Variants in MAGT1 observed in about 807,000 individuals in gnomAD.
The protein encoded by MAGT1 is magnesium transporter 1.
MAGT1 carries 4 observed loss-of-function variants against 28.4 expected under a neutral mutation model. The ratio of observed to expected loss-of-function variants is 0.14; its 90% confidence interval spans 0.07 to 0.32. MAGT1 has a LOEUF of 0.32. Among genes scored for constraint, MAGT1 ranks in the 10% least tolerant of loss-of-function variants. The probability of loss-of-function intolerance (pLI) is 1.00; values close to 1 mark genes in which losing one functional copy is unlikely to be tolerated. For synonymous variants in MAGT1, 89 were observed against 89.7 expected, an observed-to-expected ratio of 0.99 and a Z score of 0.04; for missense variants, 193 against 264.5, an observed-to-expected ratio of 0.73 and a Z score of 1.88.
Position 77,840,780 on chromosome X carries a change from T to G in MAGT1, c.901+466A>C, listed in dbSNP as rs782382572. On this transcript the variant is annotated intron_variant, in intron 8 of 9. Coordinates refer to ENST00000618282, the MANE Select transcript of MAGT1 (RefSeq NM_001367916.1). The stretch of plus-strand genomic sequence containing the variant: ...GACAGCTTGAGCCTAGGGGCGGAGG[T>G]TGCAGTGAGCTATGATTATGCTACT... 7.2e-5 allele frequency among the ~76,000 whole-genome samples: 8 copies of G among 110,714 alleles called. No homozygotes were observed. In the South Asian group the frequency reaches 3.0e-3, roughly 42 times the overall value.
chrX:77,857,273 T>C, intron 4 of MAGT1, 84 bp downstream of exon 4: 1 of 1,123,826 alleles, frequency 8.9e-7, no homozygotes, highest in Non-Finnish European at 1.2e-6. Context: ...CTCAGTGATA[T>C]GGGGACAAGA....
intron 7 of MAGT1, among the ~76,000 whole-genome samples, chrX:77,853,635 C>T (rs2076974345): frequency 8.9e-6 from 1 of 112,115 alleles, no homozygotes; most frequent in African/African-American, 3.2e-5. Flanking sequence ...ACAACTCTAT[C>T]TTTTCTTTGT....
At position 77,847,562 on chromosome X, in the gene MAGT1, G is replaced by A. The variant is rs140044836; in HGVS notation, c.827-6242C>T. ...TGTAGACTGGAGCTGTTCCTATTAG[G>A]CCATCTTGGCTGCACAAAGGTCTTT... On this transcript the variant is annotated intron_variant, in intron 7 of 9. Transcript: ENST00000618282. Among the ~76,000 whole-genome samples, 13 of 110,588 alleles carry A rather than the reference G, an allele frequency of 1.2e-4. No homozygotes were observed. In the East Asian group the frequency reaches 3.7e-3, roughly 32 times the overall value.
chrX:77,882,121 T>G (rs1264749317), intron 1 of MAGT1, among the ~76,000 whole-genome samples: 1 of 112,132 alleles, frequency 8.9e-6, no homozygotes, highest in Non-Finnish European at 1.9e-5. Flanking sequence ...AAACTCTCAA[T>G]AAATTAGGTA....
intron 8 of MAGT1, among the ~76,000 whole-genome samples, chrX:77,833,803 A>G (rs1042223427): frequency 8.9e-6 from 1 of 111,951 alleles, no homozygotes; most frequent in Non-Finnish European, 1.9e-5. Flanking sequence ...ATGAAATCAC[A>G]AAAGACCAAT....
Position 77,829,300 on chromosome X carries a change from A to G in MAGT1, c.993-65T>C, listed in dbSNP as rs186099230. 8 of 947,668 alleles carry G rather than the reference A, an allele frequency of 8.4e-6. No individual in the cohort carries two copies. In the Admixed American group the frequency reaches 1.8e-4, roughly 21 times the overall value. The allele number at this position is 947,668 out of a possible 1,213,427, so 78.1% of individuals were successfully genotyped here. ...GAAAAGTAGGATTTACTTTTAATCAATAAGCAGTATGTTGGTTTTAACAGA... is the reference window on the plus strand; with the variant it reads ...GAAAAGTAGGATTTACTTTTAATCAGTAAGCAGTATGTTGGTTTTAACAGA... On this transcript the variant is annotated intron_variant, in intron 9 of 9. Transcript: ENST00000618282.
At chrX:77,835,336 T>C (rs1395826614) in intron 8 of MAGT1, among the ~76,000 whole-genome samples, 2 of 111,614 alleles carry the variant, frequency 1.8e-5, no homozygotes, top group Non-Finnish European at 3.8e-5. Flanking sequence ...TCAACATCAA[T>C]GATCATCAGA....
intron 7 of MAGT1, among the ~76,000 whole-genome samples, chrX:77,846,172 T>C (rs1286197404): frequency 1.8e-5 from 2 of 111,718 alleles, no homozygotes; most frequent in Non-Finnish European, 3.8e-5. Context: ...TCTTGCTTCA[T>C]TTCATTCATT....
chrX:77,876,895 C>T (rs1169574720), intron 1 of MAGT1, among the ~76,000 whole-genome samples: 2 of 108,364 alleles, frequency 1.8e-5, no homozygotes, highest in Non-Finnish European at 3.8e-5. Flanking sequence ...TGCCTGTAAT[C>T]CCAGCTACTT....
At position 77,839,893 on chromosome X, in the gene MAGT1, C is replaced by T. The variant is rs566338090; in HGVS notation, c.901+1353G>A. Among the ~76,000 whole-genome samples, 15 of 110,450 alleles carry T rather than the reference C, an allele frequency of 1.4e-4. No homozygotes were observed. The South Asian group carries it at 5.4e-3, about 40-fold the overall frequency. ...AACTCCTGACCTCAAGTGATCCACC[C>T]GCCTCGGTCTCCCAAAGTGCCAGGA... On this transcript the variant is annotated intron_variant, in intron 8 of 9. Transcript: ENST00000618282.
chrX:77,833,478 G>A (rs1175552600), intron 8 of MAGT1, among the ~76,000 whole-genome samples: 14 of 111,955 alleles, frequency 1.3e-4, no homozygotes, highest in East Asian at 5.6e-4. Flanking sequence ...AATAATTAAA[G>A]CACGATATTT....
chrX:77,854,090 C>T (rs1292928716), intron 6 of MAGT1, 126 bp from the exon 7 acceptor site: 14 of 543,114 alleles, frequency 2.6e-5, no homozygotes, highest in Non-Finnish European at 3.9e-5. Flanking sequence ...TGACATACTC[C>T]GGGTCTGTGG....
chrX:77,891,627 G>A (rs2077082985), intron 1 of MAGT1, among the ~76,000 whole-genome samples: 1 of 111,632 alleles, frequency 9.0e-6, no homozygotes, highest in South Asian at 3.7e-4. Flanking sequence ...GAATGCATTC[G>A]ATAAATATCA....
Position 77,837,774 on chromosome X carries a change from A to G in MAGT1, c.901+3472T>C, listed in dbSNP as rs1236773999. 2.7e-5 allele frequency among the ~76,000 whole-genome samples: 3 copies of G among 111,361 alleles called. No homozygotes were observed. In the East Asian group the frequency reaches 8.5e-4, roughly 31 times the overall value. On this transcript the variant is annotated intron_variant, in intron 8 of 9. Transcript: ENST00000618282. ...TTTATTTATTTTGAGATGAAGTCTC[A>G]CTCCGTCGCCCAGGCTGGAGTGCAG...
chrX:77,882,258 C>T (rs1456349700), intron 1 of MAGT1, among the ~76,000 whole-genome samples: 1 of 111,926 alleles, frequency 8.9e-6, no homozygotes, highest in Non-Finnish European at 1.9e-5. Flanking sequence ...TGCCCTCACT[C>T]ACCACTCCTA....
intron 1 of MAGT1, among the ~76,000 whole-genome samples, chrX:77,883,107 A>ATTAT (rs2077057673): frequency 2.0e-5 from 2 of 102,493 alleles, no homozygotes; most frequent in African/African-American, 7.0e-5. Context: ...ATATAATAAC[A>ATTAT]TAATTATATT....
intron 1 of MAGT1, among the ~76,000 whole-genome samples, chrX:77,879,205 C>T (rs1459893619): frequency 2.7e-5 from 3 of 110,694 alleles, no homozygotes; most frequent in Non-Finnish European, 3.8e-5. Context: ...TACAGGCACA[C>T]GCCACCACGC....
intron 1 of MAGT1, among the ~76,000 whole-genome samples, chrX:77,893,629 C>T (rs1288570221): frequency 8.9e-6 from 1 of 112,409 alleles, no homozygotes; most frequent in Non-Finnish European, 1.9e-5. Flanking sequence ...GGCACAGTGG[C>T]TCACACCTGT....
intron 7 of MAGT1, among the ~76,000 whole-genome samples, chrX:77,843,667 T>C (rs1195686056): frequency 8.9e-6 from 1 of 111,816 alleles, no homozygotes; most frequent in Non-Finnish European, 1.9e-5. Flanking sequence ...TGTGCAAAGA[T>C]TGATCATTTC....
Sources: allele counts gnomAD v4.1 joint callset (sites outside exome capture counted in the v4.1 genomes callset), GRCh38; gene constraint gnomAD v4.1.1; transcripts MANE v1.5; gene names NCBI Gene and HGNC (gene_info 2026-07-23, HGNC 2026-07-21).